VRK2: variants seen among roughly 807,000 people sequenced by gnomAD.
VRK2 encodes the protein VRK serine/threonine kinase 2, also known as serine/threonine-protein kinase VRK2.
VRK2 carries 60 observed loss-of-function variants against 57.6 expected under a neutral mutation model. The ratio of observed to expected loss-of-function variants is 1.04; its 90% CI spans 0.85 to 1.29. VRK2 has a LOEUF of 1.29. Among genes scored for constraint, VRK2 ranks in the 50% most tolerant of loss-of-function variants. The pLI is 0.00. For synonymous variants in VRK2, 231 were observed against 199.2 expected (o/e 1.16, Z -1.35); for missense variants, 705 against 588.1 (o/e 1.20, Z -2.06).
intron 7 of VRK2, among the ~76,000 whole-genome samples, chr2:58,113,337 T>C (rs1333037570): frequency 2.0e-5 from 3 of 149,694 alleles, no homozygotes; most frequent in Admixed American, 6.6e-5. Context: ...AAAAGACAGT[T>C]GCGTTTCTTC....
chr2:57,942,315 A>G (rs1459848281), intron 1 of VRK2, among the ~76,000 whole-genome samples: 2 of 152,218 alleles, frequency 1.3e-5, no homozygotes, highest in African/African-American at 4.8e-5. Context: ...TAATTTGTGT[A>G]TAAAAATTAT....
intron 1 of VRK2, among the ~76,000 whole-genome samples, chr2:57,920,349 C>T (rs1572860873): frequency 6.6e-6 from 1 of 152,088 alleles, no homozygotes; most frequent in African/African-American, 2.4e-5. Flanking sequence ...GATAAGACTG[C>T]CTGGCTAATA....
intron 3 of VRK2, among the ~76,000 whole-genome samples, chr2:58,038,701 A>G (rs1443158456): frequency 1.3e-5 from 2 of 152,132 alleles, no homozygotes; most frequent in Admixed American, 1.3e-4. Flanking sequence ...TTAAAATGGT[A>G]TATATGCCTA....
intron 1 of VRK2, among the ~76,000 whole-genome samples, chr2:57,960,046 T>G (rs1466454401): frequency 9.6e-6 from 1 of 104,304 alleles, no homozygotes; most frequent in African/African-American, 3.8e-5. Context: ...GAGAGAGGTG[T>G]GTGTGTTGTG....
chr2:57,951,211 G>A (rs1341528105), intron 1 of VRK2, among the ~76,000 whole-genome samples: 1 of 152,176 alleles, frequency 6.6e-6, no homozygotes, highest in African/African-American at 2.4e-5. Context: ...CTTTGAGGTG[G>A]TTAAGACTTC....
chr2:58,115,956 G>A (rs1676401735), intron 7 of VRK2, among the ~76,000 whole-genome samples: 1 of 152,200 alleles, frequency 6.6e-6, no homozygotes, highest in Non-Finnish European at 1.5e-5. Context: ...GGATAGGAGA[G>A]TATATGGGTT....
At chr2:58,090,999 A>C (rs1672296698) in intron 7 of VRK2, among the ~76,000 whole-genome samples, 1 of 152,222 alleles carries the variant, frequency 6.6e-6, no homozygotes, top group Non-Finnish European at 1.5e-5. Context: ...ATTCTGGAAA[A>C]GGCAAAACTA....
intron 1 of VRK2, among the ~76,000 whole-genome samples, chr2:57,998,316 G>C (rs934820386): frequency 2.0e-5 from 3 of 152,092 alleles, no homozygotes; most frequent in Admixed American, 6.5e-5. Context: ...AAGTATATAA[G>C]CAATTGATAT....
intron 2 of VRK2, among the ~76,000 whole-genome samples, chr2:58,031,677 C>T (rs914275304): frequency 6.6e-6 from 1 of 152,028 alleles, no homozygotes; most frequent in Non-Finnish European, 1.5e-5. Flanking sequence ...CTAGGTAAAA[C>T]TGACTCAAAA....
intron 3 of VRK2, among the ~76,000 whole-genome samples, chr2:58,038,755 C>CAA (rs2103714498): frequency 6.6e-6 from 1 of 152,176 alleles, no homozygotes; most frequent in Non-Finnish European, 1.5e-5. Context: ...CTGTGAGACC[C>CAA]TATGCACATA....
In VRK2 at chr2:58,033,300, G is replaced by A. The variant is rs1387446266; in HGVS notation, c.-259G>A. 3 of 151,962 alleles carry A rather than the reference G, an allele frequency of 2.0e-5. No individual in the cohort carries two copies. In the East Asian group the frequency reaches 5.8e-4, roughly 29 times the overall value. 9.4% of individuals were successfully genotyped at this position (151,962 alleles called of 1,614,324 possible). A position where few individuals can be genotyped will look rare whatever the true frequency, so the allele number is the denominator to read the frequency against. On this transcript the variant is annotated 5_prime_UTR_variant, in exon 3 of 16. Transcript: ENST00000417641. ...GGCAAAAAGGACTTTACAGATCTGA[G>A]TACACTGGATTATCTGGGTGGGCAC...
At chr2:58,050,823 G>T (rs1169918889) in intron 2 of VRK2, among the ~76,000 whole-genome samples, 8 of 151,930 alleles carry the variant, frequency 5.3e-5, no homozygotes, top group African/African-American at 1.7e-4. Flanking sequence ...GCTTCTTTCA[G>T]TCTAGTACAG....
At chr2:58,103,173 G>C (rs1192153294) in intron 7 of VRK2, among the ~76,000 whole-genome samples, 1 of 150,900 alleles carries the variant, frequency 6.6e-6, no homozygotes, top group Non-Finnish European at 1.5e-5. Context: ...CAAAAAAATA[G>C]AAAAACAAGA....
intron 12 of VRK2, among the ~76,000 whole-genome samples, chr2:58,150,135 G>T (rs539122202): frequency 1.0e-3 from 156 of 150,602 alleles, no homozygotes; most frequent in African/African-American, 3.5e-3. Flanking sequence ...GGGTCATTAT[G>T]AATTATACCA....
intron 1 of VRK2, among the ~76,000 whole-genome samples, chr2:57,979,383 T>C (rs1161533816): frequency 6.6e-6 from 1 of 151,206 alleles, no homozygotes; most frequent in African/African-American, 2.5e-5. Context: ...TGGTATCTCA[T>C]TGTGGCTTTG....
At position 57,954,588 on chromosome 2, in the gene VRK2, A is replaced by T. The variant is rs2103984204; in HGVS notation, c.-439+46749A>T. On this transcript the variant is annotated intron_variant, in intron 1 of 15. Transcript: ENST00000417641. ...AATAAAAAAGTTCCTAAAACTCAAT[A>T]TACTAAAAGTATAGGGTTTATCTCA... Among the ~76,000 whole-genome samples the T allele has an allele frequency of 2.0e-5, 3 of 152,204 alleles. No individual in the cohort carries two copies. In the East Asian group the frequency reaches 5.8e-4, roughly 29 times the overall value.
intron 7 of VRK2, among the ~76,000 whole-genome samples, chr2:58,111,507 T>A (rs1304735518): frequency 4.6e-5 from 7 of 152,120 alleles, no homozygotes; most frequent in South Asian, 2.1e-4. Flanking sequence ...AACCCACCAT[T>A]TTGGGAAGCT....
chr2:58,075,596 G>GT (rs745315739), intron 2 of VRK2, among the ~76,000 whole-genome samples: 36 of 152,190 alleles, frequency 2.4e-4, no homozygotes, highest in Non-Finnish European at 4.6e-4. Flanking sequence ...GTACAAGATG[G>GT]TATCTTGTGT....
intron 1 of VRK2, among the ~76,000 whole-genome samples, chr2:57,930,357 A>G (rs1396660839): frequency 6.6e-6 from 1 of 152,118 alleles, no homozygotes; most frequent in African/African-American, 2.4e-5. Context: ...CTGAGTTCCA[A>G]TGCAAAATTC....
Sources: gnomAD v4.1 joint callset for allele counts (sites outside exome capture counted in the v4.1 genomes callset) on GRCh38, gnomAD v4.1.1 for gene constraint, MANE v1.5 for transcripts, NCBI Gene and HGNC (gene_info 2026-07-23, HGNC 2026-07-21) for gene names.